The following MINK1 variants were observed in gnomAD, a reference collection of about 807,000 sequenced individuals.
The protein encoded by MINK1 is misshapen like kinase 1.
Under a neutral mutation model 178.4 loss-of-function variants are expected in MINK1, and 46 were observed. The ratio of observed to expected loss-of-function variants is 0.26; its 90% CI spans 0.20 to 0.33. The LOEUF (loss-of-function observed/expected upper bound fraction) is 0.33, where lower values mean the gene tolerates loss of function less well. Among genes scored for constraint, MINK1 ranks in the 10% least tolerant of loss-of-function variants. The pLI is 1.00. For synonymous variants in MINK1, 797 were observed against 709.7 expected (o/e 1.12, Z -1.96); for missense variants, 1,366 against 1,814.9 (o/e 0.75, Z 4.49).
chr17:4,865,156 C>T (rs949636830), intron 1 of MINK1, among the ~76,000 whole-genome samples: 2 of 152,100 alleles, frequency 1.3e-5, no homozygotes, highest in East Asian at 1.9e-4. Context: ...CTGGGCCGGG[C>T]GCGGTGGCTC....
At chr17:4,842,710 T>C (rs550819944) in intron 1 of MINK1, among the ~76,000 whole-genome samples, 3 of 152,352 alleles carry the variant, frequency 2.0e-5, no homozygotes, top group African/African-American at 4.8e-5. Flanking sequence ...AAGAAAACAG[T>C]TGGACAGAGT....
At chr17:4,893,775 G>T in intron 21 of MINK1, 178 bp downstream of exon 21, 1 of 1,038,872 alleles carries the variant, frequency 9.6e-7, no homozygotes, top group Admixed American at 3.1e-5. Flanking sequence ...TTGTGGGGTG[G>T]CCTCTTCAAG....
At position 4,896,391 on chromosome 17, in the gene MINK1, C is replaced by T; in HGVS notation, c.3616-38C>T. 1 of 1,609,330 alleles carries T rather than the reference C, an allele frequency of 6.2e-7. No homozygotes were observed. Among genetic ancestry groups the T allele is most frequent in the Non-Finnish European group, 8.5e-7 (1 of 1,177,134 alleles). ...GGAGTGGGATGGCCCAGTCTGGGCA[C>T]CAGACACGGAGACTCTAGTCCCCCT... On this transcript the variant is annotated intron_variant, in intron 29 of 31. Coordinates refer to ENST00000355280, the MANE Select transcript of MINK1 (RefSeq NM_153827.5). The surrounding 1 kb of genome is among the most constrained non-coding windows in gnomAD (Gnocchi z 4.6).
chr17:4,854,861 G>A, intron 1 of MINK1: 1 of 456,008 alleles, frequency 2.2e-6, no homozygotes, highest in African/African-American at 2.0e-5. Context: ...TGGAGAGTCT[G>A]TTTCAGAGAG....
intron 4 of MINK1, among the ~76,000 whole-genome samples, chr17:4,881,637 A>G (rs1050507393): frequency 6.6e-6 from 1 of 152,210 alleles, no homozygotes; most frequent in African/African-American, 2.4e-5. Flanking sequence ...GCTCCTGGGA[A>G]AGCAACAGAA....
At chr17:4,869,162 G>A (rs1915487498) in intron 1 of MINK1, among the ~76,000 whole-genome samples, 2 of 151,874 alleles carry the variant, frequency 1.3e-5, no homozygotes, top group African/African-American at 4.8e-5. Flanking sequence ...CTGACCTCAT[G>A]ATCTGCCTGC....
At chr17:4,859,996 G>A (rs112193017) in intron 1 of MINK1, among the ~76,000 whole-genome samples, 1 of 151,334 alleles carries the variant, frequency 6.6e-6, no homozygotes, top group African/African-American at 2.4e-5. Context: ...CATGCGGAGC[G>A]GGGTACAGAG....
At chr17:4,858,855 C>G (rs890075042) in intron 1 of MINK1, among the ~76,000 whole-genome samples, 5 of 152,176 alleles carry the variant, frequency 3.3e-5, no homozygotes, top group African/African-American at 1.2e-4. Context: ...GGAAGCCTGC[C>G]TTTTTGGAAG....
rs34473686 is a variant in MINK1 at position 4,839,939 on chromosome 17, A to ATGTGTGTGTG, written c.57+6336_57+6345dup. 9.6e-4 allele frequency among the ~76,000 whole-genome samples: 136 copies of ATGTGTGTGTG among 141,986 alleles called. 1 individual carries two copies. The East Asian group carries it at 0.015, about 15-fold the overall frequency. 93.1% of individuals were successfully genotyped at this position (141,986 alleles called of 152,430 possible). A position where few individuals can be genotyped will look rare whatever the true frequency, so the allele number is the denominator to read the frequency against. The stretch of plus-strand genomic sequence containing the variant: ...ACATTAATCAAGTAATTATTTATTA[A>ATGTGTGTGTG]TGTGTGTGTGTGTGTGTGTGTGTGT... On this transcript the variant is annotated intron_variant, in intron 1 of 31. Transcript: ENST00000355280.
At chr17:4,892,367 G>A (rs766559836) in intron 17 of MINK1, 35 bp from the exon 18 acceptor site, 20 of 765,168 alleles carry the variant, frequency 2.6e-5, no homozygotes, top group East Asian at 8.9e-5. Context: ...GCGCCCCCCC[G>A]CCGCCCCCTC....
rs772883796 is a variant in MINK1, at chr17:4,897,199, C to A, written c.3916-5C>A. 1.9e-6 allele frequency: 3 copies of A among 1,613,072 alleles called. No individual in the cohort carries two copies. The highest frequency in any genetic ancestry group is 1.7e-5 in the Admixed American group (1 of 59,892). On this transcript the variant is annotated splice_region_variant and splice_polypyrimidine_tract_variant and intron_variant, in intron 31 of 31. Coordinates refer to ENST00000355280, the MANE Select transcript of MINK1 (RefSeq NM_153827.5). The stretch of plus-strand genomic sequence containing the variant: ...CTTGGTGACTTCTTCTCCTGCCCCA[C>A]CCAGGTGTTTTTTGCCTCAGTCCGC...
Position 4,895,916 on chromosome 17 carries a change from G to A in MINK1, c.3364+84G>A. 6.4e-7 allele frequency: 1 copy of A among 1,574,620 alleles called. No individual in the cohort carries two copies. Among genetic ancestry groups the A allele is most frequent in the Non-Finnish European group, 8.6e-7 (1 of 1,159,304 alleles). ...CTGGGAGCCAGGGACTTGGGGCCTG[G>A]GTGGGGCAGTGTAGTGACAGACCAC... On this transcript the variant is annotated intron_variant, in intron 27 of 31. Transcript: ENST00000355280. This position sits in a 1 kb window ranked among gnomAD's most constrained non-coding sequence, Gnocchi z 4.3.
intron 15 of MINK1, 74 bp downstream of exon 15, chr17:4,891,198 GCGCA>G: frequency 8.9e-7 from 1 of 1,129,344 alleles, no homozygotes; most frequent in Non-Finnish European, 1.2e-6. Context: ...ACACACACGC[GCGCA>G]CACACACACA....
intron 1 of MINK1, among the ~76,000 whole-genome samples, chr17:4,861,296 C>T (rs1466239070): frequency 6.6e-6 from 1 of 152,120 alleles, no homozygotes; most frequent in Non-Finnish European, 1.5e-5. Context: ...AGAGTTTCTG[C>T]GTTAACATCA....
chr17:4,889,991 C>T (rs564904796), intron 13 of MINK1: 5 of 581,762 alleles, frequency 8.6e-6, no homozygotes, highest in South Asian at 8.1e-5. Context: ...CCTGACTCCC[C>T]GACCCCTTCC....
Position 4,897,469 on chromosome 17 carries a change from C to G in MINK1, c.*182C>G. The G allele has an allele frequency of 1.7e-6, 1 of 586,298 alleles. No individual in the cohort carries two copies. Among genetic ancestry groups the G allele is most frequent in the Middle Eastern group, 4.5e-4 (1 of 2,200 alleles). The allele number at this position is 586,298 out of a possible 1,614,324, so 36.3% of individuals were successfully genotyped here. ...TTCGTGATCACGTGACCATCCTCTT[C>G]CCCAACATGTCCTCTTCCCAAAACT... On this transcript the variant is annotated 3_prime_UTR_variant, in exon 32 of 32. Coordinates refer to ENST00000355280, the MANE Select transcript of MINK1 (RefSeq NM_153827.5).
At chr17:4,883,698 CTT>C (rs35648380) in intron 4 of MINK1, among the ~76,000 whole-genome samples, 35 of 123,066 alleles carry the variant, frequency 2.8e-4, no homozygotes, top group Admixed American at 2.5e-4. Flanking sequence ...CGCCCGGCTA[CTT>C]TTTTTTTTTT....
At chr17:4,839,483 C>T (rs1909853269) in intron 1 of MINK1, among the ~76,000 whole-genome samples, 2 of 152,236 alleles carry the variant, frequency 1.3e-5, no homozygotes, top group African/African-American at 2.4e-5. Context: ...AATAAGTCAA[C>T]TCTCAAAGCA....
At chr17:4,850,593 CT>C (rs1911796021) in intron 1 of MINK1, among the ~76,000 whole-genome samples, 1 of 148,176 alleles carries the variant, frequency 6.7e-6, no homozygotes, top group Non-Finnish European at 1.5e-5. Context: ...TCCAGGATCT[CT>C]TTTCCTGTCC....
Sources: allele counts gnomAD v4.1 joint callset (sites outside exome capture counted in the v4.1 genomes callset), GRCh38; gene constraint gnomAD v4.1.1; non-coding constraint Gnocchi (gnomAD v3.1); transcripts MANE v1.5; gene names NCBI Gene and HGNC (gene_info 2026-07-23, HGNC 2026-07-21).